MAP4K1: variants seen among roughly 807,000 people sequenced by gnomAD.
The protein encoded by MAP4K1 is MAPK/ERK kinase kinase kinase 1.
MAP4K1 carries 35 observed loss-of-function variants against 122.8 expected under a neutral mutation model. That is an observed-to-expected ratio of 0.29 (90% CI 0.22 to 0.38). The LOEUF (loss-of-function observed/expected upper bound fraction) is 0.38. Ranked by LOEUF, MAP4K1 falls within the 10% of genes least tolerant of loss-of-function variation. The pLI, the probability that MAP4K1 is intolerant of heterozygous loss-of-function variation, is 1.00. For missense variants in MAP4K1, 791 were observed against 1,072.6 expected (o/e 0.74, Z 3.67); for synonymous variants, 412 against 421.3 (o/e 0.98, Z 0.27).
chr19:38,610,060 A>G, intron 11 of MAP4K1, 35 bp from the exon 12 acceptor site: 1 of 1,471,124 alleles, frequency 6.8e-7, no homozygotes, highest in South Asian at 1.1e-5. Flanking sequence ...ATCCAGAGGG[A>G]TGGTGTGGAC....
rs41274334 is a variant in MAP4K1 at position 38,600,062 on chromosome 19, G to T, written c.1608+15C>A. ...CCGGCCCTTGCCCTTGCCCTGGCCC[G>T]GTATGGTTCCTCACCATTTCCAGCG... is the stretch of plus-strand genomic sequence containing the variant. On this transcript the variant is annotated intron_variant, in intron 21 of 30. Transcript: ENST00000396857. 5.0e-6 allele frequency: 8 copies of T among 1,613,996 alleles called. No individual in the cohort carries two copies. The African/African-American group carries it at 1.1e-4, about 22-fold the overall frequency.
At chr19:38,608,616 T>A (rs1975399660) in intron 13 of MAP4K1, among the ~76,000 whole-genome samples, 1 of 151,468 alleles carries the variant, frequency 6.6e-6, no homozygotes. Context: ...GTCAACATGG[T>A]GAAGCCCCGT....
intron 3 of MAP4K1, among the ~76,000 whole-genome samples, chr19:38,616,928 G>A (rs1224518176): frequency 6.6e-6 from 1 of 152,084 alleles, no homozygotes; most frequent in Non-Finnish European, 1.5e-5. Context: ...GGGTTATGGT[G>A]AGAAATGGAA....
At chr19:38,598,071 C>A (rs190784315) in intron 22 of MAP4K1, among the ~76,000 whole-genome samples, 1 of 152,050 alleles carries the variant, frequency 6.6e-6, no homozygotes, top group Non-Finnish European at 1.5e-5. Context: ...CGCTCTGTCA[C>A]CCAGGCTGGA....
chr19:38,603,261 C>CATATACAT (rs1402569241), intron 19 of MAP4K1, among the ~76,000 whole-genome samples: 5 of 148,756 alleles, frequency 3.4e-5, no homozygotes, highest in African/African-American at 1.3e-4. Context: ...CATATATACG[C>CATATACAT]ATATACATAT....
At position 38,617,304 on chromosome 19, in the gene MAP4K1, T is replaced by A. The variant is rs1342155266; in HGVS notation, c.248+50A>T. On this transcript the variant is annotated intron_variant, in intron 3 of 30. Coordinates refer to ENST00000396857, the MANE Select transcript of MAP4K1 (RefSeq NM_001042600.3). The surrounding 1 kb of genome is among the most constrained non-coding windows in gnomAD (Gnocchi z 4.1). ...GGTACCCCCATCAAGAAATGGGGAC[T>A]CCGGGTTAGGGGCTGGGCTGGGTGC... The A allele has an allele frequency of 7.6e-7, 1 of 1,310,416 alleles. No homozygotes were observed. The highest frequency in any genetic ancestry group is 1.1e-6 in the Non-Finnish European group (1 of 904,502). 81.2% of individuals were successfully genotyped at this position (1,310,416 alleles called of 1,614,324 possible). A position where few individuals can be genotyped will look rare whatever the true frequency, so the allele number is the denominator to read the frequency against.
At chr19:38,604,555 C>A (rs1975265593) in intron 19 of MAP4K1, among the ~76,000 whole-genome samples, 1 of 151,930 alleles carries the variant, frequency 6.6e-6, no homozygotes, top group Non-Finnish European at 1.5e-5. Context: ...CTTTGGGAGG[C>A]CGAGGCGGGC....
intron 30 of MAP4K1, 68 bp downstream of exon 30, chr19:38,593,214 C>G: frequency 6.7e-7 from 1 of 1,481,916 alleles, no homozygotes; most frequent in Non-Finnish European, 9.3e-7. Context: ...GCTGGGGACA[C>G]CTCAGAATGC....
Position 38,607,574 on chromosome 19 carries a change from A to G in MAP4K1, c.1157+290T>C, listed in dbSNP as rs907850789. Among the ~76,000 whole-genome samples the G allele has an allele frequency of 3.0e-3, 459 of 150,952 alleles. 2 individuals are homozygous for G. The highest frequency in any genetic ancestry group is 0.011 in the African/African-American group (434 of 41,214). On this transcript the variant is annotated intron_variant, in intron 16 of 30. Transcript: ENST00000396857. The stretch of plus-strand genomic sequence containing the variant: ...GACTCCATCTCAAAAAAAAAAAAAA[A>G]AAAAAAGAAGAAGGTGGAAGGAAAG...
chr19:38,600,493 C>G (rs1975027943), intron 20 of MAP4K1, among the ~76,000 whole-genome samples: 1 of 152,096 alleles, frequency 6.6e-6, no homozygotes, highest in African/African-American at 2.4e-5. Flanking sequence ...TACCCTAATG[C>G]CAATCCTAAC....
chr19:38,612,618 G>C lies in MAP4K1; in HGVS notation c.658C>G (p.Pro220Ala), dbSNP rs758107213. 1 of 1,612,814 alleles carries C rather than the reference G, an allele frequency of 6.2e-7. No homozygotes were observed. Among genetic ancestry groups the C allele is most frequent in the Admixed American group, 1.7e-5 (1 of 59,982 alleles). The change falls in exon 9 of 31, where the codon CCT (proline) becomes GCT (alanine). Residue 220 changes from proline (P) to alanine (A), a missense_variant. Pro to Ala is a conservative substitution (Grantham distance 27). Transcript: ENST00000396857. ...ELQPPLFDVH[P>A]LRVLFLMTKS... ...GACCCCACGCCTGCCTACCTGAGAG[G>C]GTGCACATCAAAGAGCGGTGGCTGT... is the stretch of plus-strand genomic sequence containing the variant.
At chr19:38,604,053 G>A (rs1018127469) in intron 19 of MAP4K1, among the ~76,000 whole-genome samples, 13 of 145,816 alleles carry the variant, frequency 8.9e-5, no homozygotes, top group Non-Finnish European at 1.8e-4. Context: ...TTGAGTCTCC[G>A]AGGTCAAGGC....
chr19:38,603,352 A>G (rs896581827), intron 19 of MAP4K1, among the ~76,000 whole-genome samples: 3 of 146,752 alleles, frequency 2.0e-5, no homozygotes, highest in African/African-American at 7.5e-5. Flanking sequence ...ATATACACAT[A>G]TACATATATA....
rs1347044073 is a variant in MAP4K1 at position 38,605,260 on chromosome 19, T to C, written c.1446+149A>G. On this transcript the variant is annotated intron_variant, in intron 19 of 30. Coordinates refer to ENST00000396857, the MANE Select transcript of MAP4K1 (RefSeq NM_001042600.3). ...CTTCACTCTGTGAAGCTTTATGCCA[T>C]GTAATGATAGGAGATAAGTGTAGGG... 4.8e-6 allele frequency: 3 copies of C among 627,824 alleles called. No individual in the cohort carries two copies. In the Admixed American group the frequency reaches 8.8e-5, roughly 19 times the overall value. The allele number at this position is 627,824 out of a possible 1,614,324, so 38.9% of individuals were successfully genotyped here. A position where few individuals can be genotyped will look rare whatever the true frequency, so the allele number is the denominator to read the frequency against.
chr19:38,610,920 G>A (rs1975478221), intron 11 of MAP4K1, 131 bp downstream of exon 11: 1 of 789,972 alleles, frequency 1.3e-6, no homozygotes, highest in African/African-American at 1.7e-5. Context: ...GGTGGTCCTG[G>A]GAAATTCTGA....
intron 29 of MAP4K1, among the ~76,000 whole-genome samples, chr19:38,594,343 T>C (rs188469075): frequency 1.3e-3 from 204 of 152,038 alleles, no homozygotes; most frequent in Admixed American, 2.2e-3. Context: ...AGAGACCCTA[T>C]CTCCAAAACA....
intron 29 of MAP4K1, 143 bp from the exon 30 acceptor site, chr19:38,593,480 A>G: frequency 5.2e-6 from 3 of 579,240 alleles, no homozygotes; most frequent in Non-Finnish European, 9.0e-6. Flanking sequence ...AAGTGGGTGG[A>G]TCACCTGAGG....
At chr19:38,592,310 C>G (rs750134497) in intron 30 of MAP4K1, 1 of 152,106 alleles carries the variant, frequency 6.6e-6, no homozygotes. Context: ...TGCAGTGGCT[C>G]ACTCCTGTAA....
chr19:38,605,577 C>G lies in MAP4K1; in HGVS notation c.1354G>C (p.Ala452Pro). 1 of 1,534,874 alleles carries G rather than the reference C, an allele frequency of 6.5e-7. No individual in the cohort carries two copies. The highest frequency in any genetic ancestry group is 2.2e-5 in the Admixed American group (1 of 44,640). ...TAGCCTGTCCCATTACCTGAATGGG[C>G]GGTGAGGTGGGGGCTGCTGGTGGAT... ...PPSTSSPHLTAHSEPSLWNPP... is the reference protein window; with the variant it reads ...PPSTSSPHLTPHSEPSLWNPP... The change falls in exon 18 of 31, where the codon GCC (alanine) becomes CCC (proline). Residue 452 changes from alanine to proline, a missense_variant. Around this residue, in one of 4 missense-constraint regions of MAP4K1, gnomAD observed 303 missense variants for 344.8 expected, o/e 0.88. Transcript: ENST00000396857.
Sources: allele counts gnomAD v4.1 joint callset (sites outside exome capture counted in the v4.1 genomes callset), GRCh38; gene constraint gnomAD v4.1.1; regional missense constraint gnomAD v4.1.1; non-coding constraint Gnocchi (gnomAD v3.1); transcripts MANE v1.5; gene names NCBI Gene and HGNC (gene_info 2026-07-23, HGNC 2026-07-21).